Variants in C2CD2L observed in about 807,000 individuals in gnomAD.
The protein encoded by C2CD2L is C2CD2 like, also known as phospholipid transfer protein C2CD2L.
A neutral mutation model predicts 69.9 loss-of-function variants in C2CD2L; 24 were observed. The observed-to-expected ratio is 0.34, with a 90% CI of 0.25 to 0.48. The LOEUF (loss-of-function observed/expected upper bound fraction) is 0.48, where lower values mean the gene tolerates loss of function less well. Ranked by LOEUF, C2CD2L falls within the 20% of genes least tolerant of loss-of-function variation. The pLI, the probability that C2CD2L is intolerant of heterozygous loss-of-function variation, is 0.99. For missense variants in C2CD2L, 811 were observed against 941.5 expected (o/e 0.86, Z 1.81); for synonymous variants, 367 against 391.0 (o/e 0.94, Z 0.72).
At position 119,114,928 on chromosome 11, in the gene C2CD2L, G is replaced by C. The variant is rs2509855; in HGVS notation, c.1909+563G>C. Reference sequence around the variant, plus strand: ...TGATTGTGCCACTGCACTCCAGCCTGGGTGACAGAGTGAGACCCTGTCTCA... The same window carrying C: ...TGATTGTGCCACTGCACTCCAGCCTCGGTGACAGAGTGAGACCCTGTCTCA... On this transcript the variant is annotated intron_variant, in intron 13 of 13. Coordinates refer to ENST00000648610, the MANE Select transcript of C2CD2L (RefSeq NM_001290474.2). The surrounding 1 kb of genome is among the most constrained non-coding windows in gnomAD (Gnocchi z 5.1). The C allele has an allele frequency of 0.31, 48,950 of 156,148 alleles. 8,287 individuals carry two copies. Among genetic ancestry groups the C allele is most frequent in the East Asian group, 0.49 (2,563 of 5,180 alleles). The allele number at this position is 156,148 out of a possible 1,614,324, so 9.7% of individuals were successfully genotyped here.
At chr11:119,107,138 T>C (rs1946605559), upstream of C2CD2L, 1 of 152,246 alleles carries the variant, frequency 6.6e-6, no homozygotes, top group African/African-American at 2.4e-5. The surrounding 1 kb of genome is among the most constrained non-coding windows in gnomAD (Gnocchi z 5.4). Context: ...TAAGTGAAGT[T>C]ACTCTTGCCT....
At chr11:119,113,083 C>G in intron 10 of C2CD2L, 1 of 596,660 alleles carries the variant, frequency 1.7e-6, no homozygotes, top group Non-Finnish European at 3.0e-6. Flanking sequence ...TCCTCTCACT[C>G]TGCCACCCTT....
intron 4 of C2CD2L, 39 bp from the exon 5 acceptor site, chr11:119,111,013 G>A (rs373406279): frequency 1.2e-6 from 2 of 1,609,324 alleles, no homozygotes; most frequent in Non-Finnish European, 1.7e-6. Flanking sequence ...GCAGAGGTGG[G>A]GGATCCACCT....
Position 119,107,751 on chromosome 11 carries a change from G to C in C2CD2L, c.10G>C (p.Gly4Arg). 1.3e-6 allele frequency: 2 copies of C among 1,531,828 alleles called. No homozygotes were observed. Among genetic ancestry groups the C allele is most frequent in the Non-Finnish European group, 1.7e-6 (2 of 1,152,406 alleles). The allele number at this position is 1,531,828 out of a possible 1,614,324, so 94.9% of individuals were successfully genotyped here. Residue 4 changes from glycine to arginine, a missense_variant, in exon 1 of 14, where the codon GGC becomes CGC. By Grantham distance (125) the Gly-to-Arg change is moderately radical. Coordinates refer to ENST00000648610, the MANE Select transcript of C2CD2L (RefSeq NM_001290474.2). The surrounding 1 kb of genome is among the most constrained non-coding windows in gnomAD (Gnocchi z 5.4). ...GGAGCCCGCGCGGAGCATGGATCCG[G>C]GCTGGGGGCAGCGGGACGTGGGCTG... MDPGWGQRDVGWAA... is the reference protein window; with the variant it reads MDPRWGQRDVGWAA...
chr11:119,108,819 C>G (rs1946660850), intron 1 of C2CD2L, among the ~76,000 whole-genome samples: 2 of 152,138 alleles, frequency 1.3e-5, no homozygotes, highest in African/African-American at 4.8e-5. Flanking sequence ...TCTGGAGCTC[C>G]CTCCCATCCT....
intron 13 of C2CD2L, chr11:119,115,797 T>A (rs1946871019): frequency 1.7e-6 from 1 of 587,912 alleles, no homozygotes; most frequent in African/African-American, 1.9e-5. Context: ...TCCCCACAAG[T>A]ACCACGATTT....
intron 13 of C2CD2L, 43 bp from the exon 14 acceptor site, chr11:119,116,002 C>T: frequency 2.6e-6 from 4 of 1,558,056 alleles, no homozygotes; most frequent in Non-Finnish European, 3.5e-6. Context: ...TCTCACCCCA[C>T]CCCGTGCCCC....
chr11:119,114,592 C>A lies in C2CD2L; in HGVS notation c.1909+227C>A. The A allele has an allele frequency of 1.8e-6, 1 of 569,856 alleles. No homozygotes were observed. The highest frequency in any genetic ancestry group is 3.1e-6 in the Non-Finnish European group (1 of 319,738). The allele number at this position is 569,856 out of a possible 1,614,324, so 35.3% of individuals were successfully genotyped here. A position where few individuals can be genotyped will look rare whatever the true frequency, so the allele number is the denominator to read the frequency against. On this transcript the variant is annotated intron_variant, in intron 13 of 13. Transcript: ENST00000648610. The surrounding 1 kb of genome is among the most constrained non-coding windows in gnomAD (Gnocchi z 5.1). The stretch of plus-strand genomic sequence containing the variant: ...ATGCCAAATTATTTCCCTTTACCTC[C>A]ATTGTTCTTTCTTCCTGAGTCTAAG...
rs1054689897 is a variant in C2CD2L, at chr11:119,110,274, G to T, written c.450+75G>T. ...CCCAAGGGCTCCCTTTAGTCCAGAG[G>T]TTCTTAACCTGGAGTCTGTGAATGC... On this transcript the variant is annotated intron_variant, in intron 2 of 13. Coordinates refer to ENST00000648610, the MANE Select transcript of C2CD2L (RefSeq NM_001290474.2). This position sits in a 1 kb window ranked among gnomAD's most constrained non-coding sequence, Gnocchi z 5.7. 2 of 1,119,006 alleles carry T rather than the reference G, an allele frequency of 1.8e-6. No individual in the cohort carries two copies. The highest frequency in any genetic ancestry group is 2.7e-6 in the Non-Finnish European group (2 of 741,702). 69.3% of individuals were successfully genotyped at this position (1,119,006 alleles called of 1,614,324 possible). A position where few individuals can be genotyped will look rare whatever the true frequency, so the allele number is the denominator to read the frequency against.
In C2CD2L at chr11:119,107,572, C is replaced by T. The variant is rs1196584986; in HGVS notation, c.-170C>T. 1 of 428,324 alleles carries T rather than the reference C, an allele frequency of 2.3e-6. No individual in the cohort carries two copies. The highest frequency in any genetic ancestry group is 3.7e-5 in the East Asian group (1 of 26,808). The allele number at this position is 428,324 out of a possible 1,614,324, so 26.5% of individuals were successfully genotyped here. ...ATCGCGACCCCCGAGGACCTCCTCTCCTCGCCCTGTGGCACCCACTAGTCC... is the reference window on the plus strand; with the variant it reads ...ATCGCGACCCCCGAGGACCTCCTCTTCTCGCCCTGTGGCACCCACTAGTCC... On this transcript the variant is annotated 5_prime_UTR_variant, in exon 1 of 14. Coordinates refer to ENST00000648610, the MANE Select transcript of C2CD2L (RefSeq NM_001290474.2). The surrounding 1 kb of genome is among the most constrained non-coding windows in gnomAD (Gnocchi z 5.4).
chr11:119,114,525 T>C lies in C2CD2L; in HGVS notation c.1909+160T>C. ...TAGCCTAGAGGGGGATCTTGGTGCCTTGGTTCCTGGCCTAGATCTGACATG... is the reference window on the plus strand; with the variant it reads ...TAGCCTAGAGGGGGATCTTGGTGCCCTGGTTCCTGGCCTAGATCTGACATG... On this transcript the variant is annotated intron_variant, in intron 13 of 13. Transcript: ENST00000648610. This position sits in a 1 kb window ranked among gnomAD's most constrained non-coding sequence, Gnocchi z 5.1. 1.5e-6 allele frequency: 1 copy of C among 677,568 alleles called. No homozygotes were observed. The highest frequency in any genetic ancestry group is 2.5e-6 in the Non-Finnish European group (1 of 402,542). 42.0% of individuals were successfully genotyped at this position (677,568 alleles called of 1,614,324 possible).
intron 1 of C2CD2L, chr11:119,108,398 G>A (rs1946647986): frequency 3.0e-6 from 1 of 330,528 alleles, no homozygotes; most frequent in Non-Finnish European, 5.5e-6. Flanking sequence ...CCTGGGTGCT[G>A]GTTGTGTTGG....
At chr11:119,104,233 G>A (rs897548189), upstream of C2CD2L, among the ~76,000 whole-genome samples, 3 of 152,138 alleles carry the variant, frequency 2.0e-5, no homozygotes, top group African/African-American at 7.2e-5. Context: ...TTGATGACGA[G>A]TATACTGAGA....
chr11:119,116,347 G>A lies in C2CD2L; in HGVS notation c.*91G>A, dbSNP rs761896711. The A allele has an allele frequency of 9.0e-7, 1 of 1,117,132 alleles. No individual in the cohort carries two copies. The highest frequency in any genetic ancestry group is 2.4e-5 in the East Asian group (1 of 40,980). 69.2% of individuals were successfully genotyped at this position (1,117,132 alleles called of 1,614,324 possible). A position where few individuals can be genotyped will look rare whatever the true frequency, so the allele number is the denominator to read the frequency against. On this transcript the variant is annotated 3_prime_UTR_variant, in exon 14 of 14. Transcript: ENST00000648610. ...CCTGGATCTCCAGTGCCTGGGCCAG[G>A]AAAGCCCTCTGGGTTCCGGGAAGCC... is the stretch of plus-strand genomic sequence containing the variant.
At chr11:119,111,966 A>G (rs527253731) in intron 7 of C2CD2L, 63 of 431,424 alleles carry the variant, frequency 1.5e-4, no homozygotes, top group African/African-American at 1.2e-3. Context: ...TTCATGGAGG[A>G]GATGACATTT....
chr11:119,114,688 C>T lies in C2CD2L; in HGVS notation c.1909+323C>T, dbSNP rs1946840836. ...CTAGGCAGGGTGTGGTGGCTCACACCGGCACTTTGGGAGGCCAAGGCGGGT... is the reference window on the plus strand; with the variant it reads ...CTAGGCAGGGTGTGGTGGCTCACACTGGCACTTTGGGAGGCCAAGGCGGGT... On this transcript the variant is annotated intron_variant, in intron 13 of 13. Coordinates refer to ENST00000648610, the MANE Select transcript of C2CD2L (RefSeq NM_001290474.2). This position sits in a 1 kb window ranked among gnomAD's most constrained non-coding sequence, Gnocchi z 5.1. 1.2e-5 allele frequency: 4 copies of T among 345,072 alleles called. No individual in the cohort carries two copies. Among genetic ancestry groups the T allele is most frequent in the East Asian group, 7.5e-5 (1 of 13,304 alleles). The allele number at this position is 345,072 out of a possible 1,614,324, so 21.4% of individuals were successfully genotyped here.
chr11:119,110,093 T>C lies in C2CD2L; in HGVS notation c.355-11T>C. 1 of 1,598,534 alleles carries C rather than the reference T, an allele frequency of 6.3e-7. No individual in the cohort carries two copies. The highest frequency in any genetic ancestry group is 8.6e-7 in the Non-Finnish European group (1 of 1,165,834). ...CAGAGACCTGATCCAATGCCCACATTACTCCCTCAGAGCTCCATCCAAATC... is the reference window on the plus strand; with the variant it reads ...CAGAGACCTGATCCAATGCCCACATCACTCCCTCAGAGCTCCATCCAAATC... On this transcript the variant is annotated splice_polypyrimidine_tract_variant and intron_variant, in intron 1 of 13. Transcript: ENST00000648610. The surrounding 1 kb of genome is among the most constrained non-coding windows in gnomAD (Gnocchi z 5.7).
Position 119,110,428 on chromosome 11 carries a change from G to T in C2CD2L, c.451-133G>T. On this transcript the variant is annotated intron_variant, in intron 2 of 13. Coordinates refer to ENST00000648610, the MANE Select transcript of C2CD2L (RefSeq NM_001290474.2). This position sits in a 1 kb window ranked among gnomAD's most constrained non-coding sequence, Gnocchi z 5.7. ...CTTTGGCATTTATCTGATTCTTTTA[G>T]GGATTTATGATCCTGAAAACATGAA... The T allele has an allele frequency of 9.2e-7, 1 of 1,083,216 alleles. No individual in the cohort carries two copies. Among genetic ancestry groups the T allele is most frequent in the South Asian group, 1.6e-5 (1 of 60,954 alleles). 67.1% of individuals were successfully genotyped at this position (1,083,216 alleles called of 1,614,324 possible).
At position 119,117,716 on chromosome 11, in the gene C2CD2L, CT is replaced by C. The variant is rs1221434961; in HGVS notation, c.*1461del. On this transcript the variant is annotated 3_prime_UTR_variant, in exon 14 of 14. Coordinates refer to ENST00000648610, the MANE Select transcript of C2CD2L (RefSeq NM_001290474.2). ...TGATAGATCCTAGCAAACTGTGTCC[CT>C]GGTTCCCGTGCTTGAGATCTTATAC... 1 of 152,204 alleles carries C rather than the reference CT, an allele frequency of 6.6e-6. No homozygotes were observed. Among genetic ancestry groups the C allele is most frequent in the East Asian group, 1.9e-4 (1 of 5,208 alleles). 9.4% of individuals were successfully genotyped at this position (152,204 alleles called of 1,614,324 possible). A position where few individuals can be genotyped will look rare whatever the true frequency, so the allele number is the denominator to read the frequency against.
Sources: gnomAD v4.1 joint callset for allele counts (sites outside exome capture counted in the v4.1 genomes callset) on GRCh38, gnomAD v4.1.1 for gene constraint, Gnocchi (gnomAD v3.1) non-coding constraint, MANE v1.5 for transcripts, NCBI Gene and HGNC (gene_info 2026-07-23, HGNC 2026-07-21) for gene names.